The following FRMD5 variants were observed in gnomAD, a reference collection of about 807,000 sequenced individuals.
The protein encoded by FRMD5 is FERM domain containing 5.
FRMD5 carries 20 observed loss-of-function variants against 69.0 expected under a neutral mutation model. The ratio of observed to expected loss-of-function variants is 0.29; its 90% CI spans 0.20 to 0.42. The LOEUF (loss-of-function observed/expected upper bound fraction) is 0.42, where lower values mean the gene tolerates loss of function less well. Among genes scored for constraint, FRMD5 ranks in the 10% least tolerant of loss-of-function variants. The pLI, the probability that FRMD5 is intolerant of heterozygous loss-of-function variation, is 1.00. For synonymous variants in FRMD5, 271 were observed against 260.1 expected, an observed-to-expected ratio of 1.04 and a Z score of -0.40; for missense variants, 595 against 708.6, an observed-to-expected ratio of 0.84 and a Z score of 1.82.
intron 4 of FRMD5, among the ~76,000 whole-genome samples, chr15:43,916,446 G>T (rs2089388432): frequency 6.6e-6 from 1 of 152,202 alleles, no homozygotes; most frequent in Admixed American, 6.5e-5. Flanking sequence ...AGCCCCTGGG[G>T]CCTACGGACT....
chr15:44,170,585 C>T (rs1179615677), intron 1 of FRMD5, among the ~76,000 whole-genome samples: 1 of 151,972 alleles, frequency 6.6e-6, no homozygotes, highest in Non-Finnish European at 1.5e-5. Flanking sequence ...AAGAAATCCC[C>T]GTTTCCCCAT....
chr15:44,106,067 G>GT (rs945110225), intron 1 of FRMD5, among the ~76,000 whole-genome samples: 18 of 151,992 alleles, frequency 1.2e-4, no homozygotes, highest in Admixed American at 2.0e-4. Flanking sequence ...ATTTTTTCTT[G>GT]TTTTTTTCCT....
chr15:43,930,020 G>T (rs2089648216), intron 1 of FRMD5, among the ~76,000 whole-genome samples: 1 of 152,174 alleles, frequency 6.6e-6, no homozygotes, highest in Non-Finnish European at 1.5e-5. Context: ...CTGGGGTGCA[G>T]TCCCTGCCTC....
At chr15:44,195,580 A>C (rs2078280813), upstream of FRMD5, among the ~76,000 whole-genome samples, 1 of 152,148 alleles carries the variant, frequency 6.6e-6, no homozygotes, top group South Asian at 2.1e-4. Context: ...CCTGAAATAC[A>C]CTTGATCTGC....
chr15:44,099,826 A>G (rs1431328399), intron 1 of FRMD5, among the ~76,000 whole-genome samples: 1 of 152,198 alleles, frequency 6.6e-6, no homozygotes, highest in Non-Finnish European at 1.5e-5. Flanking sequence ...ACAATCTGGA[A>G]TTAATTATAG....
chr15:44,010,825 C>A (rs1046097721), intron 1 of FRMD5, among the ~76,000 whole-genome samples: 5 of 151,628 alleles, frequency 3.3e-5, no homozygotes, highest in Non-Finnish European at 5.9e-5. Flanking sequence ...TTATGCTGGG[C>A]AAAAGAGCCC....
intron 1 of FRMD5, among the ~76,000 whole-genome samples, chr15:44,023,041 A>G (rs1891280307): frequency 6.6e-6 from 1 of 152,116 alleles, no homozygotes; most frequent in Non-Finnish European, 1.5e-5. Flanking sequence ...GAGTGAGAGG[A>G]GCTCAGAGGT....
chr15:44,123,964 A>T (rs865952960), intron 1 of FRMD5, among the ~76,000 whole-genome samples: 7 of 152,102 alleles, frequency 4.6e-5, no homozygotes, highest in Non-Finnish European at 7.4e-5. Flanking sequence ...AATAAGTACT[A>T]TAAAATTGTT....
intron 1 of FRMD5, among the ~76,000 whole-genome samples, chr15:43,991,740 T>G (rs145599031): frequency 1.3e-5 from 2 of 152,196 alleles, no homozygotes; most frequent in Non-Finnish European, 2.9e-5. Context: ...GGATTGATAT[T>G]TTCAAACAGG....
chr15:44,087,743 C>T (rs1406831601), intron 1 of FRMD5, among the ~76,000 whole-genome samples: 2 of 5,864 alleles, frequency 3.4e-4, no homozygotes, highest in Admixed American at 7.5e-3. Flanking sequence ...CTGCTATCAT[C>T]ATCATCATCA....
intron 1 of FRMD5, among the ~76,000 whole-genome samples, chr15:44,045,555 G>T (rs1286309529): frequency 3.3e-5 from 5 of 152,154 alleles, no homozygotes; most frequent in African/African-American, 4.8e-5. Flanking sequence ...ACTTGTATAT[G>T]CACGTATAAA....
chr15:43,999,611 C>T (rs1162800058), intron 1 of FRMD5, among the ~76,000 whole-genome samples: 1 of 152,072 alleles, frequency 6.6e-6, no homozygotes, highest in East Asian at 1.9e-4. Flanking sequence ...ACACCTGACT[C>T]CTGGTAACTA....
intron 1 of FRMD5, among the ~76,000 whole-genome samples, chr15:44,181,547 T>C (rs948272054): frequency 6.6e-6 from 1 of 152,136 alleles, no homozygotes; most frequent in Non-Finnish European, 1.5e-5. Context: ...AGTATACAAT[T>C]AAATGGTTTT....
At chr15:44,002,838 G>A (rs1212076454) in intron 1 of FRMD5, among the ~76,000 whole-genome samples, 2 of 152,052 alleles carry the variant, frequency 1.3e-5, no homozygotes, top group Admixed American at 1.3e-4. Flanking sequence ...GCAGAAACTG[G>A]GCATAAGACA....
intron 1 of FRMD5, among the ~76,000 whole-genome samples, chr15:44,124,872 T>C (rs1390233460): frequency 1.3e-5 from 2 of 151,870 alleles, no homozygotes; most frequent in Non-Finnish European, 2.9e-5. Flanking sequence ...AAGCCAGGCG[T>C]GGTGGATTGA....
Position 43,873,940 on chromosome 15 carries a change from C to G in FRMD5, c.1658G>C (p.Arg553Thr), listed in dbSNP as rs761955840. 67 of 1,614,072 alleles carry G rather than the reference C, an allele frequency of 4.2e-5. No homozygotes were observed. The highest frequency in any genetic ancestry group is 5.6e-5 in the Non-Finnish European group (66 of 1,180,042). The stretch of plus-strand genomic sequence containing the variant: ...GCGGATTTTGCAGGCAAACCATCGC[C>G]TGAGGGGACAAAAGTATTGATAGTG... ...QFHYQYFCPLRRWFACKIRSV... is the reference protein window; with the variant it reads ...QFHYQYFCPLTRWFACKIRSV... Residue 553 changes from arginine (R) to threonine (T), a missense_variant, in exon 14 of 14, where the codon AGG becomes ACG. Around this residue, in one of 5 missense-constraint regions of FRMD5, gnomAD observed 245 missense variants for 227.1 expected, o/e 1.08. Coordinates refer to ENST00000417257, the MANE Select transcript of FRMD5 (RefSeq NM_032892.5).
At chr15:44,135,344 G>T (rs1466722999) in intron 1 of FRMD5, among the ~76,000 whole-genome samples, 2 of 152,086 alleles carry the variant, frequency 1.3e-5, no homozygotes, top group Admixed American at 1.3e-4. Flanking sequence ...AGCCCCACTG[G>T]CTTTATTTCC....
At chr15:43,965,282 C>T (rs2090274656) in intron 1 of FRMD5, among the ~76,000 whole-genome samples, 1 of 152,182 alleles carries the variant, frequency 6.6e-6, no homozygotes, top group African/African-American at 2.4e-5. Context: ...CTTTGATGAC[C>T]TGTCAAAACC....
At position 43,902,283 on chromosome 15, in the gene FRMD5, T is replaced by A. The variant is rs758139631; in HGVS notation, c.552-21A>T. On this transcript the variant is annotated intron_variant, in intron 6 of 13. Coordinates refer to ENST00000417257, the MANE Select transcript of FRMD5 (RefSeq NM_032892.5). ...GACCACTGGAATAAAGAAGATGAGATGATTTCAAGGTGTCTTGTTCCCACA... is the reference window on the plus strand; with the variant it reads ...GACCACTGGAATAAAGAAGATGAGAAGATTTCAAGGTGTCTTGTTCCCACA... 11 of 1,597,644 alleles carry A rather than the reference T, an allele frequency of 6.9e-6. No homozygotes were observed. In the South Asian group the frequency reaches 1.1e-4, roughly 16 times the overall value.
Sources: allele counts gnomAD v4.1 joint callset (sites outside exome capture counted in the v4.1 genomes callset), GRCh38; gene constraint gnomAD v4.1.1; regional missense constraint gnomAD v4.1.1; transcripts MANE v1.5; gene names NCBI Gene and HGNC (gene_info 2026-07-23, HGNC 2026-07-21).